ARHGAP10: variants seen among roughly 807,000 people sequenced by gnomAD.
ARHGAP10 encodes the protein Rho GTPase activating protein 10.
In ARHGAP10, 87 loss-of-function variants were observed where a neutral mutation model predicts 108.6. The observed-to-expected ratio is 0.80, with a 90% CI of 0.67 to 0.96. The LOEUF (loss-of-function observed/expected upper bound fraction) is 0.96. ARHGAP10 is among the 40% of genes least tolerant of loss of function. The probability of loss-of-function intolerance (pLI) is 0.00; values close to 1 mark genes in which losing one functional copy is unlikely to be tolerated. For missense variants in ARHGAP10, 939 were observed against 954.5 expected, an observed-to-expected ratio of 0.98 and a Z score of 0.21; for synonymous variants, 347 against 341.1, an observed-to-expected ratio of 1.02 and a Z score of -0.19.
intron 4 of ARHGAP10, among the ~76,000 whole-genome samples, chr4:147,856,407 T>C (rs1734082739): frequency 6.6e-6 from 1 of 152,236 alleles, no homozygotes; most frequent in Non-Finnish European, 1.5e-5. Flanking sequence ...ATGACATTTC[T>C]GGTAGACAAT....
At chr4:148,018,836 A>G (rs1271183292) in intron 18 of ARHGAP10, among the ~76,000 whole-genome samples, 1 of 152,110 alleles carries the variant, frequency 6.6e-6, no homozygotes, top group Non-Finnish European at 1.5e-5. Context: ...TCAGATGCCA[A>G]CTCTACCATT....
intron 18 of ARHGAP10, among the ~76,000 whole-genome samples, chr4:147,971,093 C>CAAAAAA (rs59721708): frequency 1.3e-5 from 1 of 74,268 alleles, no homozygotes; most frequent in Non-Finnish European, 2.8e-5. Flanking sequence ...GACTCTGTCT[C>CAAAAAA]AAAAAAAAAA....
At position 147,913,142 on chromosome 4, in the gene ARHGAP10, AATATG is replaced by A. The variant is rs780146445; in HGVS notation, c.1228+6_1228+10del. 7 of 1,612,148 alleles carry A rather than the reference AATATG, an allele frequency of 4.3e-6. No homozygotes were observed. Among genetic ancestry groups the A allele is most frequent in the South Asian group, 3.3e-5 (3 of 91,024 alleles). ...CATCAGTGCCGTTGAAACACGAGGT[AATATG>A]ATTGAATCATTTCATTCATGAGAGG... On this transcript the variant is annotated splice_donor_5th_base_variant and intron_variant, in intron 13 of 22. Transcript: ENST00000336498.
chr4:148,062,783 T>C (rs1222255400), intron 20 of ARHGAP10, among the ~76,000 whole-genome samples: 1 of 152,224 alleles, frequency 6.6e-6, no homozygotes, highest in East Asian at 1.9e-4. Context: ...TGCTTGATGC[T>C]AGATTCCTGT....
intron 14 of ARHGAP10, among the ~76,000 whole-genome samples, chr4:147,943,590 AAACATTCACCCAAATAAAAAGTC>A (rs1738250457): frequency 6.6e-6 from 1 of 152,222 alleles, no homozygotes; most frequent in African/African-American, 2.4e-5. Flanking sequence ...CGTAAGCGTG[AAACATTCACCCAAATAAAAAGTC>A]AACTCTTTTT....
intron 10 of ARHGAP10, among the ~76,000 whole-genome samples, chr4:147,885,507 A>G (rs1023445944): frequency 2.6e-5 from 4 of 152,202 alleles, no homozygotes; most frequent in Non-Finnish European, 4.4e-5. Context: ...TATGGGAGCT[A>G]CAATTCAAGT....
chr4:147,903,537 T>G (rs1736336646), intron 10 of ARHGAP10, among the ~76,000 whole-genome samples: 1 of 152,224 alleles, frequency 6.6e-6, no homozygotes, highest in African/African-American at 2.4e-5. Flanking sequence ...TGCCCAAATG[T>G]GTACTGAATG....
intron 16 of ARHGAP10, among the ~76,000 whole-genome samples, chr4:147,961,073 G>A (rs1695975039): frequency 6.6e-6 from 1 of 152,130 alleles, no homozygotes; most frequent in Admixed American, 6.5e-5. Flanking sequence ...CCTACGAGTG[G>A]AATTTTTGGG....
intron 1 of ARHGAP10, 34 bp downstream of exon 1, chr4:147,732,489 C>T (rs1236447880): frequency 6.2e-7 from 1 of 1,603,814 alleles, no homozygotes. Context: ...CGGGCTGCGG[C>T]GTGGCGAGGC....
intron 13 of ARHGAP10, among the ~76,000 whole-genome samples, chr4:147,926,889 C>T (rs1203971328): frequency 5.3e-5 from 8 of 152,020 alleles, no homozygotes; most frequent in Admixed American, 4.6e-4. Context: ...GAAAGTCAAA[C>T]TAGATAATAG....
intron 18 of ARHGAP10, among the ~76,000 whole-genome samples, chr4:148,022,574 A>G (rs1366501009): frequency 5.3e-5 from 8 of 152,230 alleles, no homozygotes; most frequent in Admixed American, 5.2e-4. Context: ...TTTTCTCAAA[A>G]GAAGAAATTT....
At chr4:148,030,415 G>T (rs1477200714) in intron 19 of ARHGAP10, among the ~76,000 whole-genome samples, 1 of 152,200 alleles carries the variant, frequency 6.6e-6, no homozygotes, top group Non-Finnish European at 1.5e-5. Flanking sequence ...TATCCTGAAT[G>T]AAATGGAATT....
At chr4:147,992,531 G>T (rs896802792) in intron 18 of ARHGAP10, among the ~76,000 whole-genome samples, 1 of 152,024 alleles carries the variant, frequency 6.6e-6, no homozygotes. Flanking sequence ...TAGCCCTCCT[G>T]AGAGGCTGGG....
intron 10 of ARHGAP10, among the ~76,000 whole-genome samples, chr4:147,888,191 G>A (rs1427547451): frequency 1.3e-5 from 2 of 152,072 alleles, no homozygotes; most frequent in Admixed American, 6.5e-5. Context: ...AGATGTTTTC[G>A]CTCTTCACTC....
rs536610557 is a variant in ARHGAP10, at chr4:147,852,988, T to C, written c.385-4565T>C. 6.6e-5 allele frequency among the ~76,000 whole-genome samples: 10 copies of C among 152,296 alleles called. No individual in the cohort carries two copies. The South Asian group carries it at 2.1e-3, about 32-fold the overall frequency. The stretch of plus-strand genomic sequence containing the variant: ...AAACTTCTCAATACCACAACACTTT[T>C]AATATTAAATATTGAAATAAATGTG... On this transcript the variant is annotated intron_variant, in intron 4 of 22. Coordinates refer to ENST00000336498, the MANE Select transcript of ARHGAP10 (RefSeq NM_024605.4).
chr4:147,748,457 C>T (rs1729018788), intron 1 of ARHGAP10, among the ~76,000 whole-genome samples: 1 of 152,156 alleles, frequency 6.6e-6, no homozygotes, highest in African/African-American at 2.4e-5. Flanking sequence ...TAATATGGAG[C>T]ATATGATTAA....
At chr4:148,006,770 C>T (rs1740968292) in intron 18 of ARHGAP10, among the ~76,000 whole-genome samples, 1 of 152,186 alleles carries the variant, frequency 6.6e-6, no homozygotes, top group Non-Finnish European at 1.5e-5. Flanking sequence ...AGTGAAAATG[C>T]AGTGAGAACC....
At chr4:147,782,917 A>AT (rs1273661031) in intron 1 of ARHGAP10, among the ~76,000 whole-genome samples, 2 of 143,452 alleles carry the variant, frequency 1.4e-5, no homozygotes, top group African/African-American at 5.1e-5. Flanking sequence ...TATAATATAT[A>AT]AATTATATAA....
chr4:148,013,911 G>A (rs949765318), intron 18 of ARHGAP10, among the ~76,000 whole-genome samples: 1 of 152,120 alleles, frequency 6.6e-6, no homozygotes, highest in African/African-American at 2.4e-5. Context: ...CTCTTCTTGG[G>A]TATCCTCAGG....
Sources: gnomAD v4.1 joint callset for allele counts (sites outside exome capture counted in the v4.1 genomes callset) on GRCh38, gnomAD v4.1.1 for gene constraint, MANE v1.5 for transcripts, NCBI Gene and HGNC (gene_info 2026-07-23, HGNC 2026-07-21) for gene names.